Variants in SMARCC1 observed in about 807,000 individuals in gnomAD.
SMARCC1 encodes the protein SWI/SNF related BAF chromatin remodeling complex subunit C1.
Under a neutral mutation model 147.4 loss-of-function variants are expected in SMARCC1, and 43 were observed. The observed-to-expected ratio is 0.29, with a 90% confidence interval of 0.23 to 0.38. The LOEUF is 0.38. Ranked by LOEUF, SMARCC1 falls within the 10% of genes least tolerant of loss-of-function variation. The probability of loss-of-function intolerance (pLI) is 1.00; values close to 1 mark genes in which losing one functional copy is unlikely to be tolerated. For missense variants in SMARCC1, 1,119 were observed against 1,381.1 expected, an observed-to-expected ratio of 0.81 and a Z score of 3.01; for synonymous variants, 495 against 484.4, an observed-to-expected ratio of 1.02 and a Z score of -0.29.
chr3:47,592,387 A>T (rs2032198241), intron 26 of SMARCC1, among the ~76,000 whole-genome samples: 1 of 152,228 alleles, frequency 6.6e-6, no homozygotes, highest in Admixed American at 6.5e-5. Context: ...CTAAAAGGTT[A>T]ATTTCACAAA....
intron 2 of SMARCC1, among the ~76,000 whole-genome samples, chr3:47,746,605 C>A (rs888247552): frequency 6.6e-6 from 1 of 152,136 alleles, no homozygotes; most frequent in East Asian, 1.9e-4. Flanking sequence ...AGACCCCATA[C>A]CCCTCCCCAA....
rs541483906 is a variant in SMARCC1 at position 47,705,106 on chromosome 3, G to A, written c.1040+1303C>T. 1.7e-4 allele frequency among the ~76,000 whole-genome samples: 26 copies of A among 151,530 alleles called. 1 individual carries two copies. The South Asian group carries it at 2.7e-3, about 16-fold the overall frequency. On this transcript the variant is annotated intron_variant, in intron 10 of 27. Coordinates refer to ENST00000254480, the MANE Select transcript of SMARCC1 (RefSeq NM_003074.4). ...TGGGAGGCCGAGGCAGGTGGATCAC[G>A]AGGTCAGGAGATTGAGACCACCCTG...
chr3:47,720,128 T>C (rs906924587), intron 7 of SMARCC1, among the ~76,000 whole-genome samples: 5 of 151,972 alleles, frequency 3.3e-5, no homozygotes, highest in African/African-American at 1.2e-4. Flanking sequence ...GAGGTTTTGT[T>C]TTTGGTTTTT....
chr3:47,609,961 G>T, intron 26 of SMARCC1, 105 bp downstream of exon 26: 1 of 1,229,390 alleles, frequency 8.1e-7, no homozygotes. Flanking sequence ...TGAAAATTTT[G>T]AGCAGTCTTC....
chr3:47,697,681 C>T (rs1210448379), intron 11 of SMARCC1, among the ~76,000 whole-genome samples: 1 of 150,942 alleles, frequency 6.6e-6, no homozygotes, highest in East Asian at 1.9e-4. Flanking sequence ...GACAGCAAAA[C>T]CTGATGAGAA....
At chr3:47,775,430 G>A (rs1189497450) in intron 1 of SMARCC1, among the ~76,000 whole-genome samples, 2 of 148,618 alleles carry the variant, frequency 1.3e-5, no homozygotes, top group Non-Finnish European at 3.0e-5. Context: ...AAAGTGCTGG[G>A]ATTACAGGTG....
At chr3:47,648,903 A>C (rs1273192899) in intron 21 of SMARCC1, among the ~76,000 whole-genome samples, 1 of 152,222 alleles carries the variant, frequency 6.6e-6, no homozygotes, top group Non-Finnish European at 1.5e-5. Flanking sequence ...AATATCCAAA[A>C]TGCCTGATTT....
At chr3:47,767,996 C>G (rs763525110) in intron 2 of SMARCC1, among the ~76,000 whole-genome samples, 1 of 151,962 alleles carries the variant, frequency 6.6e-6, no homozygotes, top group African/African-American at 2.4e-5. Flanking sequence ...GGCACCACCA[C>G]ACCCAGATAA....
intron 2 of SMARCC1, among the ~76,000 whole-genome samples, chr3:47,757,112 G>A (rs2034708008): frequency 6.6e-6 from 1 of 152,094 alleles, no homozygotes; most frequent in African/African-American, 2.4e-5. Context: ...TTATCCGGGT[G>A]TGGTGGTGTG....
chr3:47,781,876 G>A lies in SMARCC1; in HGVS notation c.-79C>T. 9.8e-7 allele frequency: 1 copy of A among 1,023,886 alleles called. No homozygotes were observed. Among genetic ancestry groups the A allele is most frequent in the African/African-American group, 1.7e-5 (1 of 59,110 alleles). The allele number at this position is 1,023,886 out of a possible 1,614,324, so 63.4% of individuals were successfully genotyped here. ...CCCGGTCGTTCCCGCGCGCACCCCC[G>A]CGCGCGTAGCCGCCACTGCCGCTTC... On this transcript the variant is annotated 5_prime_UTR_variant, in exon 1 of 28. Coordinates refer to ENST00000254480, the MANE Select transcript of SMARCC1 (RefSeq NM_003074.4).
chr3:47,654,491 A>G (rs1357022511), intron 21 of SMARCC1, among the ~76,000 whole-genome samples: 1 of 152,256 alleles, frequency 6.6e-6, no homozygotes, highest in African/African-American at 2.4e-5. Flanking sequence ...AAGAAGAGTT[A>G]GAACAATAAT....
At chr3:47,696,389 CA>C (rs1275108029) in intron 11 of SMARCC1, among the ~76,000 whole-genome samples, 2 of 151,166 alleles carry the variant, frequency 1.3e-5, no homozygotes, top group Non-Finnish European at 2.9e-5. Flanking sequence ...CAAAACAAAA[CA>C]AAAAAACAAA....
chr3:47,603,953 A>G (rs1157948189), intron 26 of SMARCC1: 1 of 451,840 alleles, frequency 2.2e-6, no homozygotes, highest in Non-Finnish European at 4.4e-6. Context: ...GAGTAGGACC[A>G]AATAATAAGA....
chr3:47,595,812 G>A lies in SMARCC1; in HGVS notation c.3044-4975C>T, dbSNP rs2106644849. On this transcript the variant is annotated intron_variant, in intron 26 of 27. Coordinates refer to ENST00000254480, the MANE Select transcript of SMARCC1 (RefSeq NM_003074.4). ...TGCAGTGGGGCGATCTCGACTCACT[G>A]CAACCTCTGCCTCCCTGGTTCAGGT... Among the ~76,000 whole-genome samples the A allele has an allele frequency of 1.3e-5, 2 of 148,842 alleles. 1 individual carries two copies. Among genetic ancestry groups the A allele is most frequent in the South Asian group, 4.3e-4 (2 of 4,674 alleles).
intron 6 of SMARCC1, among the ~76,000 whole-genome samples, chr3:47,725,422 A>T (rs1178188363): frequency 1.3e-5 from 2 of 151,904 alleles, no homozygotes; most frequent in African/African-American, 4.8e-5. Flanking sequence ...ATACTAAAAA[A>T]TTTTCAATTG....
intron 20 of SMARCC1, 28 bp downstream of exon 20, chr3:47,662,306 T>C: frequency 6.3e-7 from 1 of 1,593,396 alleles, no homozygotes; most frequent in Non-Finnish European, 8.6e-7. Context: ...GTTTTTCTGT[T>C]GAGGAGATGG....
chr3:47,778,815 T>C (rs944123198), intron 1 of SMARCC1, among the ~76,000 whole-genome samples: 1 of 151,932 alleles, frequency 6.6e-6, no homozygotes, highest in Non-Finnish European at 1.5e-5. Context: ...TGCAAAACCC[T>C]GCCTCTACTG....
rs145563446 is a variant in SMARCC1 at position 47,630,926 on chromosome 3, G to A, written c.2646+4264C>T. On this transcript the variant is annotated intron_variant, in intron 24 of 27. Coordinates refer to ENST00000254480, the MANE Select transcript of SMARCC1 (RefSeq NM_003074.4). The stretch of plus-strand genomic sequence containing the variant: ...AAAAATTTTAAAATTAGCTGAGTGT[G>A]GTGACACATGTCTGTGGAACCAGCT... 1.6e-3 allele frequency among the ~76,000 whole-genome samples: 247 copies of A among 152,170 alleles called. 2 individuals are homozygous for A. Among genetic ancestry groups the A allele is most frequent in the African/African-American group, 5.6e-3 (234 of 41,530 alleles).
Position 47,670,716 on chromosome 3 carries a change from C to T in SMARCC1, c.1841G>A (p.Ser614Asn), listed in dbSNP as rs759288785. ...TTCTCTTCCAGCACTAGCACCTTTA[C>T]TCTAAGGAAACAAAATCAGAAATTA... ...DIYSKKTLAK[S>N]KGASAGREWT... The change falls in exon 19 of 28, where the codon AGT becomes AAT. Residue 614 changes from serine to asparagine, a missense_variant and splice_region_variant. By Grantham distance (46) the Ser-to-Asn change is conservative. Coordinates refer to ENST00000254480, the MANE Select transcript of SMARCC1 (RefSeq NM_003074.4). 5 of 1,574,878 alleles carry T rather than the reference C, an allele frequency of 3.2e-6. No individual in the cohort carries two copies. The highest frequency in any genetic ancestry group is 4.4e-6 in the Non-Finnish European group (5 of 1,143,628).
Sources: gnomAD v4.1 joint callset for allele counts (sites outside exome capture counted in the v4.1 genomes callset) on GRCh38, gnomAD v4.1.1 for gene constraint, MANE v1.5 for transcripts, NCBI Gene and HGNC (gene_info 2026-07-23, HGNC 2026-07-21) for gene names.